Variants in INPP5D observed in about 807,000 individuals in gnomAD.
INPP5D encodes the protein inositol polyphosphate-5-phosphatase D.
A neutral mutation model predicts 122.9 loss-of-function variants in INPP5D; 33 were observed. The ratio of observed to expected loss-of-function variants is 0.27; its 90% CI spans 0.20 to 0.36. The LOEUF is 0.36. Among genes scored for constraint, INPP5D ranks in the 10% least tolerant of loss-of-function variants. The probability of loss-of-function intolerance (pLI) is 1.00; values close to 1 mark genes in which losing one functional copy is unlikely to be tolerated. For missense variants in INPP5D, 1,053 were observed against 1,412.7 expected, an observed-to-expected ratio of 0.75 and a Z score of 4.08; for synonymous variants, 584 against 576.2, an observed-to-expected ratio of 1.01 and a Z score of -0.19.
At chr2:233,115,875 A>G (rs1692773883) in intron 2 of INPP5D, among the ~76,000 whole-genome samples, 1 of 151,944 alleles carries the variant, frequency 6.6e-6, no homozygotes, top group African/African-American at 2.4e-5. Context: ...CTTTCCTTCA[A>G]CCACTTATGA....
intron 1 of INPP5D, among the ~76,000 whole-genome samples, chr2:233,065,259 C>G (rs1213150704): frequency 6.6e-6 from 1 of 150,734 alleles, no homozygotes; most frequent in African/African-American, 2.4e-5. Context: ...GTTTGTCTAC[C>G]TGGTAGGTTA....
intron 1 of INPP5D, among the ~76,000 whole-genome samples, chr2:233,075,598 T>C (rs1325525038): frequency 6.6e-6 from 1 of 150,646 alleles, no homozygotes; most frequent in Non-Finnish European, 1.5e-5. Flanking sequence ...TGCACATGTA[T>C]ATGTGTGTGT....
intron 1 of INPP5D, among the ~76,000 whole-genome samples, chr2:233,065,195 C>G (rs1384011420): frequency 6.6e-6 from 1 of 152,128 alleles, no homozygotes; most frequent in Non-Finnish European, 1.5e-5. Flanking sequence ...GCTCAGCCCC[C>G]GTGAAAAGTC....
chr2:233,125,065 CAG>C (rs1468749181), intron 3 of INPP5D, among the ~76,000 whole-genome samples: 2 of 152,266 alleles, frequency 1.3e-5, no homozygotes, highest in African/African-American at 4.8e-5. Flanking sequence ...GAGGCTCAGA[CAG>C]AGCTCTGGAC....
chr2:233,114,006 G>A (rs1454184009), intron 2 of INPP5D, among the ~76,000 whole-genome samples: 8 of 151,314 alleles, frequency 5.3e-5, no homozygotes, highest in Non-Finnish European at 1.2e-4. Flanking sequence ...CGCCTCCCGG[G>A]TTCACGCCAT....
chr2:233,084,383 A>AT (rs2106214802), intron 2 of INPP5D, among the ~76,000 whole-genome samples: 1 of 152,308 alleles, frequency 6.6e-6, no homozygotes, highest in Admixed American at 6.5e-5. Context: ...GCAAGTTTAG[A>AT]TGAAGAGTTA....
rs1007312631 is a variant in INPP5D at position 233,141,899 on chromosome 2, C to T, written c.753+1970C>T. On this transcript the variant is annotated intron_variant, in intron 6 of 26. Transcript: ENST00000445964. ...TAGTTTAGGTTTTCTACGGAGAACA[C>T]GAATTTGTATTTTACTTGTGCAACT... is the stretch of plus-strand genomic sequence containing the variant. Among the ~76,000 whole-genome samples the T allele has an allele frequency of 3.7e-4, 57 of 152,222 alleles. No homozygotes were observed. In the East Asian group the frequency reaches 8.1e-3, roughly 22 times the overall value.
intron 1 of INPP5D, 34 bp downstream of exon 1, chr2:233,060,646 T>C (rs764953140): frequency 1.9e-6 from 3 of 1,611,676 alleles, no homozygotes; most frequent in East Asian, 4.5e-5. Flanking sequence ...CGGGCACAGA[T>C]ATGACAGAGG....
At chr2:233,190,218 T>C (rs966757529) in intron 22 of INPP5D, among the ~76,000 whole-genome samples, 1 of 152,152 alleles carries the variant, frequency 6.6e-6, no homozygotes, top group Non-Finnish European at 1.5e-5. Flanking sequence ...GATATAACCT[T>C]GACAAGACCT....
rs775295315 is a variant in INPP5D, at chr2:233,079,416, C to G, written c.198+18C>G. ...CTGTTCAGGTGAGTCCTTTATAAACCTAGAAATCTGAACCTGACTTCAGCC... is the reference window on the plus strand; with the variant it reads ...CTGTTCAGGTGAGTCCTTTATAAACGTAGAAATCTGAACCTGACTTCAGCC... On this transcript the variant is annotated intron_variant, in intron 2 of 26. Coordinates refer to ENST00000445964, the MANE Select transcript of INPP5D (RefSeq NM_001017915.3). The G allele has an allele frequency of 1.3e-6, 2 of 1,508,416 alleles. No homozygotes were observed. Among genetic ancestry groups the G allele is most frequent in the South Asian group, 2.2e-5 (2 of 88,940 alleles). 93.4% of individuals were successfully genotyped at this position (1,508,416 alleles called of 1,614,324 possible).
intron 1 of INPP5D, among the ~76,000 whole-genome samples, chr2:233,068,996 G>T (rs1445804383): frequency 6.6e-6 from 1 of 151,902 alleles, no homozygotes; most frequent in African/African-American, 2.4e-5. Flanking sequence ...AATTGAGGGG[G>T]TGGGTGCAGA....
intron 14 of INPP5D, chr2:233,169,641 G>A (rs12474023): frequency 0.023 from 14,355 of 628,772 alleles, 508 homozygotes; most frequent in East Asian, 0.13. Flanking sequence ...TTAGCCTGAT[G>A]GACCGCTAAC....
At chr2:233,146,976 C>T (rs550739231) in intron 8 of INPP5D, among the ~76,000 whole-genome samples, 111 of 152,262 alleles carry the variant, frequency 7.3e-4, no homozygotes, top group Non-Finnish European at 1.1e-3. Flanking sequence ...CCCCAAAGTC[C>T]GTTCTAGACC....
intron 5 of INPP5D, among the ~76,000 whole-genome samples, chr2:233,133,075 G>A (rs1485149943): frequency 6.6e-6 from 1 of 151,680 alleles, no homozygotes; most frequent in Non-Finnish European, 1.5e-5. Flanking sequence ...TGGGACTACA[G>A]GTATGTGCCA....
At position 233,163,712 on chromosome 2, in the gene INPP5D, G is replaced by GC. The variant is rs759837481; in HGVS notation, c.1253dup (p.Pro419SerfsTer27). The GC allele has an allele frequency of 3.1e-6, 5 of 1,613,452 alleles. No individual in the cohort carries two copies. The highest frequency in any genetic ancestry group is 3.4e-6 in the Non-Finnish European group (4 of 1,179,770). On this transcript the variant is annotated frameshift_variant, in exon 12 of 27. Coordinates refer to ENST00000445964, the MANE Select transcript of INPP5D (RefSeq NM_001017915.3). LOFTEE classifies it high-confidence loss of function. Reference sequence around the variant, plus strand: ...GTTGGGTTTTGCTGTTGAAGGTAACGCCCCCCCTCCCAAGAAGATCACGTC... The same window carrying GC: ...GTTGGGTTTTGCTGTTGAAGGTAACGCCCCCCCCTCCCAAGAAGATCACGTC...
chr2:233,182,031 G>A (rs1043946861), intron 18 of INPP5D, among the ~76,000 whole-genome samples: 1 of 152,176 alleles, frequency 6.6e-6, no homozygotes, highest in African/African-American at 2.4e-5. Context: ...GGGAGGTGGA[G>A]GCTGCAGTGA....
At position 233,078,768 on chromosome 2, in the gene INPP5D, C is replaced by T. The variant is rs906958358; in HGVS notation, c.135-567C>T. 1.9e-4 allele frequency among the ~76,000 whole-genome samples: 29 copies of T among 152,236 alleles called. No homozygotes were observed. Among genetic ancestry groups the T allele is most frequent in the African/African-American group, 4.8e-4 (20 of 41,530 alleles). On this transcript the variant is annotated intron_variant, in intron 1 of 26. Coordinates refer to ENST00000445964, the MANE Select transcript of INPP5D (RefSeq NM_001017915.3). The surrounding 1 kb of genome is among the most constrained non-coding windows in gnomAD (Gnocchi z 4.6). ...CACATTCTCGGCTCACTGCAACCTCCGCCTCCTGGGTTCAAGTGATTCTTT... is the reference window on the plus strand; with the variant it reads ...CACATTCTCGGCTCACTGCAACCTCTGCCTCCTGGGTTCAAGTGATTCTTT...
chr2:233,137,614 C>T (rs1309526096), intron 5 of INPP5D, among the ~76,000 whole-genome samples: 1 of 150,394 alleles, frequency 6.6e-6, no homozygotes, highest in African/African-American at 2.4e-5. Context: ...CACCACTATG[C>T]CCGGCTAATT....
chr2:233,198,459 C>T (rs1476966117), intron 25 of INPP5D, 83 bp downstream of exon 25: 1 of 1,496,880 alleles, frequency 6.7e-7, no homozygotes. Flanking sequence ...AGAATGGAAG[C>T]CTCATAAGGG....
Sources: gnomAD v4.1 joint callset for allele counts (sites outside exome capture counted in the v4.1 genomes callset) on GRCh38, gnomAD v4.1.1 for gene constraint, Gnocchi (gnomAD v3.1) non-coding constraint, MANE v1.5 for transcripts, NCBI Gene and HGNC (gene_info 2026-07-23, HGNC 2026-07-21) for gene names.